TMEM131: variants seen among roughly 807,000 people sequenced by gnomAD.
The protein encoded by TMEM131 is transmembrane protein 131.
A neutral mutation model predicts 211.6 loss-of-function variants in TMEM131; 66 were observed. That is an observed-to-expected ratio of 0.31 (90% CI 0.26 to 0.38). The LOEUF (loss-of-function observed/expected upper bound fraction) is 0.38. Among genes scored for constraint, TMEM131 ranks in the 10% least tolerant of loss-of-function variants. The pLI, the probability that TMEM131 is intolerant of heterozygous loss-of-function variation, is 1.00. For missense variants in TMEM131, 2,036 were observed against 2,299.3 expected (o/e 0.89, Z 2.34); for synonymous variants, 844 against 841.3 (o/e 1.00, Z -0.06).
Position 97,834,760 on chromosome 2 carries a change from C to G in TMEM131, c.955+15G>C. 6.2e-7 allele frequency: 1 copy of G among 1,609,992 alleles called. No individual in the cohort carries two copies. The highest frequency in any genetic ancestry group is 8.5e-7 in the Non-Finnish European group (1 of 1,178,634). The stretch of plus-strand genomic sequence containing the variant: ...AAAACAAAACAACTTTCGATTTCAT[C>G]AGTTTTCCACTAACCTGTTGTAACT... On this transcript the variant is annotated intron_variant, in intron 9 of 40. Transcript: ENST00000186436.
chr2:97,939,715 A>G (rs2104485049), intron 1 of TMEM131, among the ~76,000 whole-genome samples: 1 of 151,852 alleles, frequency 6.6e-6, no homozygotes, highest in East Asian at 1.9e-4. Flanking sequence ...TGGCAGAGAC[A>G]CAGGAAAAAA....
chr2:97,908,579 G>T lies in TMEM131; in HGVS notation c.290+79C>A. 5 of 1,028,190 alleles carry T rather than the reference G, an allele frequency of 4.9e-6. No homozygotes were observed. In the South Asian group the frequency reaches 6.0e-5, roughly 12 times the overall value. The allele number at this position is 1,028,190 out of a possible 1,614,324, so 63.7% of individuals were successfully genotyped here. A position where few individuals can be genotyped will look rare whatever the true frequency, so the allele number is the denominator to read the frequency against. On this transcript the variant is annotated intron_variant, in intron 3 of 40. Coordinates refer to ENST00000186436, the MANE Select transcript of TMEM131 (RefSeq NM_015348.2). ...ATTCCTTCTTCACCAAAATGAGCAA[G>T]GGGAAAGAGGAGGGAGAACCACAGG...
intron 4 of TMEM131, among the ~76,000 whole-genome samples, chr2:97,864,788 G>A (rs531939049): frequency 2.0e-5 from 3 of 152,344 alleles, no homozygotes; most frequent in Non-Finnish European, 4.4e-5. Flanking sequence ...AGCTGACAAC[G>A]AGAGGCTAGG....
At chr2:97,857,820 T>C (rs888098943) in intron 5 of TMEM131, among the ~76,000 whole-genome samples, 14 of 152,224 alleles carry the variant, frequency 9.2e-5, no homozygotes, top group African/African-American at 3.4e-4. Context: ...GGCCTGTGTA[T>C]ACACAGGTCT....
At chr2:97,979,314 C>G (rs886557326) in intron 1 of TMEM131, among the ~76,000 whole-genome samples, 1 of 152,230 alleles carries the variant, frequency 6.6e-6, no homozygotes. Flanking sequence ...TAGTTCCTAA[C>G]AAGAGAGTCA....
intron 2 of TMEM131, among the ~76,000 whole-genome samples, chr2:97,917,770 T>C (rs1676568838): frequency 1.3e-5 from 2 of 152,140 alleles, no homozygotes; most frequent in Non-Finnish European, 2.9e-5. Flanking sequence ...CCGCCATGAT[T>C]CAATTACCTC....
chr2:97,921,259 A>G (rs932190560), intron 2 of TMEM131, among the ~76,000 whole-genome samples: 1 of 152,178 alleles, frequency 6.6e-6, no homozygotes, highest in Admixed American at 6.5e-5. Flanking sequence ...AATACTAGGG[A>G]AAGAAAACAT....
chr2:97,979,927 A>C (rs1367245961), intron 1 of TMEM131, among the ~76,000 whole-genome samples: 1 of 152,186 alleles, frequency 6.6e-6, no homozygotes, highest in Non-Finnish European at 1.5e-5. Flanking sequence ...TTGATTTATA[A>C]GGGAGAGGTG....
At chr2:97,863,832 T>C (rs928344589) in intron 4 of TMEM131, among the ~76,000 whole-genome samples, 1 of 152,116 alleles carries the variant, frequency 6.6e-6, no homozygotes, top group East Asian at 1.9e-4. Flanking sequence ...CTCAAAAAAC[T>C]AGAAGTAGAG....
At chr2:97,869,563 G>C (rs550255962) in intron 4 of TMEM131, among the ~76,000 whole-genome samples, 1 of 152,346 alleles carries the variant, frequency 6.6e-6, no homozygotes, top group South Asian at 2.1e-4. Context: ...AAGGACATCA[G>C]CAGGCTATTT....
At chr2:97,781,951 C>T (rs1172895637) in intron 31 of TMEM131, among the ~76,000 whole-genome samples, 2 of 152,202 alleles carry the variant, frequency 1.3e-5, no homozygotes, top group Non-Finnish European at 2.9e-5. Context: ...TCCACCCATG[C>T]CAACAAAGGC....
intron 28 of TMEM131, 89 bp downstream of exon 28, chr2:97,796,129 T>C (rs1680749071): frequency 1.4e-6 from 1 of 729,934 alleles, no homozygotes; most frequent in East Asian, 3.3e-5. Flanking sequence ...CATTTGTGGA[T>C]AAAGACCTTT....
Position 97,758,923 on chromosome 2 carries a change from G to C in TMEM131, c.5337C>G (p.Ala1779=). 6.2e-7 allele frequency: 1 copy of C among 1,613,568 alleles called. No individual in the cohort carries two copies. The highest frequency in any genetic ancestry group is 1.3e-5 in the African/African-American group (1 of 75,062). ...CTGTGTGGGTCGGGGAGCCGGAACT[G>C]GCTGGCCAGGAAGGACTGGGATCTG... ...PATDPSPSWP[A]SSGSPTHTAT... Residue 1779 remains alanine, a synonymous_variant, in exon 40 of 41, where the codon GCC becomes GCG. Coordinates refer to ENST00000186436, the MANE Select transcript of TMEM131 (RefSeq NM_015348.2).
chr2:97,901,843 G>C (rs1675865973), intron 3 of TMEM131, among the ~76,000 whole-genome samples: 1 of 152,146 alleles, frequency 6.6e-6, no homozygotes, highest in Non-Finnish European at 1.5e-5. Flanking sequence ...CAAGTATACA[G>C]TTATTAACAG....
intron 3 of TMEM131, among the ~76,000 whole-genome samples, chr2:97,896,517 G>T (rs920407258): frequency 1.3e-5 from 2 of 152,144 alleles, no homozygotes; most frequent in Non-Finnish European, 2.9e-5. Flanking sequence ...AGGTCTCTAA[G>T]AACTTGCTTT....
chr2:97,892,965 GT>G (rs2104289626), intron 3 of TMEM131, among the ~76,000 whole-genome samples: 1 of 152,098 alleles, frequency 6.6e-6, no homozygotes, highest in Non-Finnish European at 1.5e-5. Context: ...TGTTACACAG[GT>G]ATACATGTGC....
intron 4 of TMEM131, among the ~76,000 whole-genome samples, chr2:97,872,416 T>C (rs1423159807): frequency 6.6e-6 from 1 of 151,914 alleles, no homozygotes; most frequent in Non-Finnish European, 1.5e-5. Context: ...AGTGAGAAGT[T>C]CCAATCATGC....
chr2:97,757,366 G>A lies in TMEM131; in HGVS notation c.5385C>T (p.Thr1795=). The change falls in exon 41 of 41, where the codon ACC becomes ACT. Residue 1795 remains threonine (T), a synonymous_variant. Transcript: ENST00000186436. The part of the protein sequence containing the change: ...THTATSVLGN[T]SGLWSTTPFS... ...ATGGAGTGGTGGACCACAGGCCGCT[G>A]GTGTTACCGAGGACCGACTGCGACA... is the stretch of plus-strand genomic sequence containing the variant. The A allele has an allele frequency of 6.2e-7, 1 of 1,605,868 alleles. No individual in the cohort carries two copies. Among genetic ancestry groups the A allele is most frequent in the African/African-American group, 1.3e-5 (1 of 74,882 alleles).
intron 1 of TMEM131, among the ~76,000 whole-genome samples, chr2:97,941,990 A>T (rs1199315005): frequency 1.3e-5 from 2 of 152,134 alleles, no homozygotes; most frequent in East Asian, 3.9e-4. Flanking sequence ...TACCCAAAGG[A>T]TTATAAATCA....
Sources: allele counts gnomAD v4.1 joint callset (sites outside exome capture counted in the v4.1 genomes callset), GRCh38; gene constraint gnomAD v4.1.1; transcripts MANE v1.5; gene names NCBI Gene and HGNC (gene_info 2026-07-23, HGNC 2026-07-21).